The following KIAA1217 variants were observed in gnomAD, a reference collection of about 807,000 sequenced individuals.
KIAA1217 encodes the protein KIAA1217, also known as sickle tail protein homolog.
A neutral mutation model predicts 163.9 loss-of-function variants in KIAA1217; 88 were observed. The observed-to-expected ratio is 0.54, with a 90% CI of 0.45 to 0.64. The LOEUF (loss-of-function observed/expected upper bound fraction) is 0.64, where lower values mean the gene tolerates loss of function less well. KIAA1217 is among the 30% of genes least tolerant of loss of function. The pLI is 0.00. For missense variants in KIAA1217, 2,372 were observed against 2,475.0 expected (o/e 0.96, Z 0.88); for synonymous variants, 903 against 923.1 (o/e 0.98, Z 0.39).
chr10:23,960,633 AG>A (rs1399068504), intron 1 of KIAA1217, among the ~76,000 whole-genome samples: 59 of 152,378 alleles, frequency 3.9e-4, no homozygotes, highest in Admixed American at 1.9e-3. Context: ...TAAAGGAAAT[AG>A]CTGAATGTAA....
At chr10:24,188,498 T>C (rs1473642887) in intron 2 of KIAA1217, among the ~76,000 whole-genome samples, 2 of 152,164 alleles carry the variant, frequency 1.3e-5, no homozygotes, top group African/African-American at 4.8e-5. Context: ...CAGTATGAGG[T>C]ACACACCTGA....
At chr10:24,536,961 G>T in intron 17 of KIAA1217, 68 bp downstream of exon 17, 1 of 1,581,118 alleles carries the variant, frequency 6.3e-7, no homozygotes, top group Non-Finnish European at 8.6e-7. Flanking sequence ...ACACTAACAC[G>T]GCTCTTATAC....
chr10:23,714,236 A>G (rs1353484680), intron 1 of KIAA1217, among the ~76,000 whole-genome samples: 1 of 147,396 alleles, frequency 6.8e-6, no homozygotes, highest in African/African-American at 2.7e-5. Flanking sequence ...AGCTGGAACT[A>G]TTGCAATAAC....
chr10:24,064,197 A>G (rs923954650), intron 2 of KIAA1217, among the ~76,000 whole-genome samples: 4 of 152,152 alleles, frequency 2.6e-5, no homozygotes, highest in African/African-American at 9.7e-5. Flanking sequence ...GAGTGGTGAG[A>G]GAGGGCATCC....
chr10:24,514,121 C>G (rs925571095), intron 10 of KIAA1217, among the ~76,000 whole-genome samples: 5 of 152,122 alleles, frequency 3.3e-5, no homozygotes, highest in African/African-American at 1.2e-4. Flanking sequence ...AATTTTATTA[C>G]TCCCCCGTCA....
intron 1 of KIAA1217, among the ~76,000 whole-genome samples, chr10:23,762,322 A>G (rs1834300180): frequency 6.6e-6 from 1 of 152,168 alleles, no homozygotes; most frequent in African/African-American, 2.4e-5. Context: ...ACAAAAAAAA[A>G]AAAGAAAACA....
At chr10:23,704,164 G>GTATATATATATA (rs1353063268) in intron 1 of KIAA1217, among the ~76,000 whole-genome samples, 1 of 80,588 alleles carries the variant, frequency 1.2e-5, no homozygotes, top group African/African-American at 5.9e-5. Context: ...GTGTGTGTGT[G>GTATATATATATA]TGTGTGTGTA....
chr10:24,184,104 C>A (rs937588864), intron 2 of KIAA1217, among the ~76,000 whole-genome samples: 4 of 152,198 alleles, frequency 2.6e-5, no homozygotes, highest in Non-Finnish European at 2.9e-5. Flanking sequence ...CTTTTAATGA[C>A]AAACACTTTA....
intron 2 of KIAA1217, among the ~76,000 whole-genome samples, chr10:24,234,793 T>C (rs2071990413): frequency 6.6e-6 from 1 of 152,172 alleles, no homozygotes; most frequent in Admixed American, 6.5e-5. Context: ...GACTTAATTA[T>C]ATTCCTCCAT....
intron 1 of KIAA1217, among the ~76,000 whole-genome samples, chr10:23,779,218 CCAGGACTCCTAGAGCTTA>C (rs1835145807): frequency 6.6e-6 from 1 of 151,992 alleles, no homozygotes; most frequent in Admixed American, 6.6e-5. Context: ...TAAACAGTAC[CCAGGACTCCTAGAGCTTA>C]CAGAGGCAGG....
intron 1 of KIAA1217, among the ~76,000 whole-genome samples, chr10:23,850,524 A>G (rs1588945542): frequency 6.6e-6 from 1 of 152,258 alleles, no homozygotes; most frequent in Non-Finnish European, 1.5e-5. Flanking sequence ...GAAGAGGCAA[A>G]GATTGACACA....
At chr10:23,906,254 GCA>G (rs150497888) in intron 1 of KIAA1217, among the ~76,000 whole-genome samples, 77 of 148,734 alleles carry the variant, frequency 5.2e-4, no homozygotes, top group African/African-American at 1.5e-3. Flanking sequence ...ACCATAGGAA[GCA>G]CACACACACA....
intron 1 of KIAA1217, among the ~76,000 whole-genome samples, chr10:23,994,696 C>G (rs1231417454): frequency 6.6e-6 from 1 of 152,160 alleles, no homozygotes; most frequent in Non-Finnish European, 1.5e-5. Flanking sequence ...ACCATTTCAT[C>G]TTGACCAAAG....
chr10:24,517,117 A>T (rs993748741), intron 10 of KIAA1217, among the ~76,000 whole-genome samples: 1 of 152,016 alleles, frequency 6.6e-6, no homozygotes, highest in African/African-American at 2.4e-5. Flanking sequence ...TGGCGGGTCA[A>T]GGCTGCACGA....
intron 1 of KIAA1217, among the ~76,000 whole-genome samples, chr10:23,856,340 G>A (rs1039334406): frequency 4.6e-5 from 7 of 152,346 alleles, no homozygotes; most frequent in African/African-American, 7.2e-5. Context: ...TTCGTGAACC[G>A]CGAATGCTGC....
At chr10:24,278,264 G>T (rs938031272) in intron 2 of KIAA1217, among the ~76,000 whole-genome samples, 2 of 152,174 alleles carry the variant, frequency 1.3e-5, no homozygotes, top group Non-Finnish European at 2.9e-5. Context: ...AGATGGATGA[G>T]AGTTACTCTG....
At chr10:24,172,372 C>T (rs767270985) in intron 2 of KIAA1217, among the ~76,000 whole-genome samples, 14 of 152,204 alleles carry the variant, frequency 9.2e-5, no homozygotes, top group East Asian at 1.9e-4. Context: ...TCTGGGATTC[C>T]GAAGGGAGAA....
At chr10:24,359,082 C>CTTTTT (rs202024336) in intron 2 of KIAA1217, among the ~76,000 whole-genome samples, 98 of 81,516 alleles carry the variant, frequency 1.2e-3, no homozygotes, top group East Asian at 2.2e-3. Flanking sequence ...TTCTTTCTTT[C>CTTTTT]TTTTTTTTTT....
At chr10:24,307,655 G>T (rs1285955161) in intron 2 of KIAA1217, among the ~76,000 whole-genome samples, 1 of 151,904 alleles carries the variant, frequency 6.6e-6, no homozygotes, top group African/African-American at 2.4e-5. Context: ...GTGGCAACAT[G>T]CCTGTAGTCC....
Sources: gnomAD v4.1 joint callset for allele counts (sites outside exome capture counted in the v4.1 genomes callset) on GRCh38, gnomAD v4.1.1 for gene constraint, MANE v1.5 for transcripts, NCBI Gene and HGNC (gene_info 2026-07-23, HGNC 2026-07-21) for gene names.